Variants in GDE1 observed in about 807,000 individuals in gnomAD.
GDE1 encodes glycerophosphodiester phosphodiesterase 1.
A neutral mutation model predicts 32.2 loss-of-function variants in GDE1; 24 were observed. The ratio of observed to expected loss-of-function variants is 0.75; its 90% CI spans 0.54 to 1.05. The LOEUF (loss-of-function observed/expected upper bound fraction) is 1.05, where lower values mean the gene tolerates loss of function less well. Ranked by LOEUF, GDE1 falls within the 50% of genes least tolerant of loss-of-function variation. The pLI, the probability that GDE1 is intolerant of heterozygous loss-of-function variation, is 0.00. For synonymous variants in GDE1, 159 were observed against 158.6 expected, an observed-to-expected ratio of 1.00 and a Z score of -0.02; for missense variants, 380 against 415.0, an observed-to-expected ratio of 0.92 and a Z score of 0.73.
rs1969266787 is a variant in GDE1 at position 19,507,742 on chromosome 16, G to C, written c.581C>G (p.Pro194Arg). 1 of 1,568,786 alleles carries C rather than the reference G, an allele frequency of 6.4e-7. No individual in the cohort carries two copies. Among genetic ancestry groups the C allele is most frequent in the African/African-American group, 1.4e-5 (1 of 74,000 alleles). ...EALKKMYMEFPQLYNNSVVCS... is the reference protein window; with the variant it reads ...EALKKMYMEFRQLYNNSVVCS... ...GACCACACTATTATTATACAGTTGA[G>C]GAAATTCCATATACATTTTCTTTAG... Residue 194 changes from proline to arginine, a missense_variant, in exon 4 of 6, where the codon CCT (proline) becomes CGT (arginine). Coordinates refer to ENST00000353258, the MANE Select transcript of GDE1 (RefSeq NM_016641.4).
chr16:19,521,374 CTCATT>C (rs933551678), intron 1 of GDE1: 2 of 295,682 alleles, frequency 6.8e-6, no homozygotes, highest in African/African-American at 2.1e-5. Context: ...TTAAAGTTAT[CTCATT>C]TATGTGTTTA....
chr16:19,503,081 T>G lies in GDE1; in HGVS notation c.*389A>C, dbSNP rs1037130376. ...GTTAACATAGCTGAGTACAAATATT[T>G]GAAATAAGTGTGGCAAGTTTTAAAA... On this transcript the variant is annotated 3_prime_UTR_variant, in exon 6 of 6. Transcript: ENST00000353258. The G allele has an allele frequency of 1.1e-5, 2 of 179,928 alleles. No individual in the cohort carries two copies. The highest frequency in any genetic ancestry group is 1.4e-4 in the South Asian group (1 of 7,056). 11.1% of individuals were successfully genotyped at this position (179,928 alleles called of 1,614,324 possible). A position where few individuals can be genotyped will look rare whatever the true frequency, so the allele number is the denominator to read the frequency against.
intron 3 of GDE1, among the ~76,000 whole-genome samples, chr16:19,509,455 A>C (rs564995534): frequency 1.3e-5 from 2 of 152,192 alleles, no homozygotes; most frequent in Non-Finnish European, 2.9e-5. Context: ...AGACATTTTC[A>C]GAATCTCTTC....
chr16:19,510,055 T>C (rs984963229), intron 3 of GDE1, among the ~76,000 whole-genome samples: 11 of 152,086 alleles, frequency 7.2e-5, no homozygotes, highest in African/African-American at 1.9e-4. Flanking sequence ...TTACCGATTA[T>C]TAATATTGCT....
In GDE1 at chr16:19,505,130, T is replaced by G. The variant is rs766430568; in HGVS notation, c.637-38A>C. Reference sequence around the variant, plus strand: ...TTGGGGAAGTAAAATAATGATCATATGTAAAGTTGAATACTTATTAGTTTA... The same window carrying G: ...TTGGGGAAGTAAAATAATGATCATAGGTAAAGTTGAATACTTATTAGTTTA... On this transcript the variant is annotated intron_variant, in intron 4 of 5. Coordinates refer to ENST00000353258, the MANE Select transcript of GDE1 (RefSeq NM_016641.4). The G allele has an allele frequency of 1.1e-5, 15 of 1,354,976 alleles. No individual in the cohort carries two copies. The Middle Eastern group carries it at 2.0e-3, about 178-fold the overall frequency. 83.9% of individuals were successfully genotyped at this position (1,354,976 alleles called of 1,614,324 possible).
intron 4 of GDE1, among the ~76,000 whole-genome samples, chr16:19,505,760 C>T (rs1172093367): frequency 6.6e-6 from 1 of 152,170 alleles, no homozygotes; most frequent in Non-Finnish European, 1.5e-5. Context: ...AACTCCATGA[C>T]AGCTTCTATT....
At chr16:19,510,047 A>T (rs1179317603) in intron 3 of GDE1, among the ~76,000 whole-genome samples, 3 of 152,132 alleles carry the variant, frequency 2.0e-5, no homozygotes, top group Non-Finnish European at 4.4e-5. Context: ...GATGGCCCTT[A>T]CCGATTATTA....
chr16:19,509,845 G>A (rs1009477471), intron 3 of GDE1, among the ~76,000 whole-genome samples: 3 of 151,952 alleles, frequency 2.0e-5, no homozygotes, highest in African/African-American at 7.3e-5. Flanking sequence ...ATTTTTAGTG[G>A]AGACAGGGGT....
rs1969177953 is a variant in GDE1 at position 19,501,802 on chromosome 16, C to T, written c.*1668G>A. ...CCCATCTATCATGCCTATGCCAATA[C>T]AATCTGTCACAAAAAAGTTTGCTTC... is the stretch of plus-strand genomic sequence containing the variant. On this transcript the variant is annotated 3_prime_UTR_variant, in exon 6 of 6. Transcript: ENST00000353258. The T allele has an allele frequency of 6.6e-6, 1 of 152,146 alleles. No homozygotes were observed. The highest frequency in any genetic ancestry group is 6.5e-5 in the Admixed American group (1 of 15,268). 9.4% of individuals were successfully genotyped at this position (152,146 alleles called of 1,614,324 possible).
At chr16:19,507,535 T>A in intron 4 of GDE1, 152 bp downstream of exon 4, 1 of 602,788 alleles carries the variant, frequency 1.7e-6, no homozygotes, top group Non-Finnish European at 3.0e-6. Flanking sequence ...ATTCCCCTTC[T>A]GGAATTTCTC....
rs533279084 is a variant in GDE1, at chr16:19,510,180, A to C, written c.543+659T>G. 2.6e-5 allele frequency among the ~76,000 whole-genome samples: 4 copies of C among 152,334 alleles called. No homozygotes were observed. The South Asian group carries it at 8.3e-4, about 32-fold the overall frequency. On this transcript the variant is annotated intron_variant, in intron 3 of 5. Coordinates refer to ENST00000353258, the MANE Select transcript of GDE1 (RefSeq NM_016641.4). Reference sequence around the variant, plus strand: ...TATCTTCCCACTGATTTTCACTGTAATAATATGTTCTTATGAGTGTAAGTG... The same window carrying C: ...TATCTTCCCACTGATTTTCACTGTACTAATATGTTCTTATGAGTGTAAGTG...
intron 1 of GDE1, among the ~76,000 whole-genome samples, chr16:19,517,881 A>T (rs11074400): frequency 0.13 from 19,341 of 149,850 alleles, 1,387 homozygotes; most frequent in Admixed American, 0.19. Flanking sequence ...TACGATGAAG[A>T]TTTCTTTCTT....
chr16:19,519,301 C>T (rs560087997), intron 1 of GDE1, among the ~76,000 whole-genome samples: 1 of 152,060 alleles, frequency 6.6e-6, no homozygotes, highest in East Asian at 1.9e-4. Context: ...CCAGTCCTGC[C>T]TTGGGGTAGG....
chr16:19,520,294 C>T (rs1458063632), intron 1 of GDE1, among the ~76,000 whole-genome samples: 3 of 150,874 alleles, frequency 2.0e-5, no homozygotes, highest in South Asian at 2.1e-4. Context: ...CGCAGCTACT[C>T]GGGAGGTTGA....
chr16:19,503,819 T>G (rs1969210410), intron 5 of GDE1: 2 of 481,848 alleles, frequency 4.2e-6, no homozygotes, highest in Non-Finnish European at 7.4e-6. Flanking sequence ...GCTTAAAACA[T>G]TTCAGTAGCT....
chr16:19,503,725 A>G lies in GDE1; in HGVS notation c.849-108T>C, dbSNP rs985365126. 3.3e-6 allele frequency: 3 copies of G among 914,454 alleles called. No individual in the cohort carries two copies. The African/African-American group carries it at 5.0e-5, about 15-fold the overall frequency. 56.6% of individuals were successfully genotyped at this position (914,454 alleles called of 1,614,324 possible). On this transcript the variant is annotated intron_variant, in intron 5 of 5. Coordinates refer to ENST00000353258, the MANE Select transcript of GDE1 (RefSeq NM_016641.4). ...ACTGCATACCAATGGTGCCCAGAGAATGCCTCCTAACTGGCCTCTGCACTG... is the reference window on the plus strand; with the variant it reads ...ACTGCATACCAATGGTGCCCAGAGAGTGCCTCCTAACTGGCCTCTGCACTG...
intron 5 of GDE1, 193 bp from the exon 6 acceptor site, chr16:19,503,810 C>G: frequency 2.0e-6 from 1 of 503,268 alleles, no homozygotes; most frequent in East Asian, 3.0e-5. Flanking sequence ...ACTGTCCCAG[C>G]TTAAAACATT....
In GDE1 at chr16:19,519,727, G is replaced by A. The variant is rs911064533; in HGVS notation, c.261+1977C>T. Among the ~76,000 whole-genome samples, 4 of 152,306 alleles carry A rather than the reference G, an allele frequency of 2.6e-5. No homozygotes were observed. In the East Asian group the frequency reaches 7.7e-4, roughly 29 times the overall value. ...GCTGGCCAGGCAGTGGCTCATGCCT[G>A]TGATCCCAGCACTTTGCCTGTAATC... On this transcript the variant is annotated intron_variant, in intron 1 of 5. Transcript: ENST00000353258.
At chr16:19,515,621 T>C (rs959606983) in intron 2 of GDE1, among the ~76,000 whole-genome samples, 2 of 152,210 alleles carry the variant, frequency 1.3e-5, no homozygotes, top group Non-Finnish European at 2.9e-5. Flanking sequence ...AGCAATACAG[T>C]ATCTGATGAC....
Sources: gnomAD v4.1 joint callset for allele counts (sites outside exome capture counted in the v4.1 genomes callset) on GRCh38, gnomAD v4.1.1 for gene constraint, MANE v1.5 for transcripts, NCBI Gene and HGNC (gene_info 2026-07-23, HGNC 2026-07-21) for gene names.